The following SNAPC3 variants were observed in gnomAD, a reference collection of about 807,000 sequenced individuals.
The protein encoded by SNAPC3 is small nuclear RNA activating complex polypeptide 3, also known as snRNA-activating protein complex subunit 3.
A neutral mutation model predicts 47.7 loss-of-function variants in SNAPC3; 56 were observed. The ratio of observed to expected loss-of-function variants is 1.18; its 90% CI spans 0.95 to 1.47. The LOEUF (loss-of-function observed/expected upper bound fraction) is 1.47, where lower values mean the gene tolerates loss of function less well. Among genes scored for constraint, SNAPC3 ranks in the 40% most tolerant of loss-of-function variants. The pLI, the probability that SNAPC3 is intolerant of heterozygous loss-of-function variation, is 0.00. For synonymous variants in SNAPC3, 235 were observed against 189.9 expected, an observed-to-expected ratio of 1.24 and a Z score of -1.95; for missense variants, 665 against 511.3, an observed-to-expected ratio of 1.30 and a Z score of -2.90.
rs1251578860 is a variant in SNAPC3, at chr9:15,460,154, C to CA, written c.*289dup. On this transcript the variant is annotated 3_prime_UTR_variant, in exon 9 of 9. Coordinates refer to ENST00000380821, the MANE Select transcript of SNAPC3 (RefSeq NM_001039697.2). ...TTCTGACTTTAAATCCTTTGTCAGACACACATATTCTTTCTCCCAATCCAT... is the reference window on the plus strand; with the variant it reads ...TTCTGACTTTAAATCCTTTGTCAGACAACACATATTCTTTCTCCCAATCCAT... The CA allele has an allele frequency of 1.0e-4, 21 of 204,378 alleles. No individual in the cohort carries two copies. The East Asian group carries it at 2.4e-3, about 23-fold the overall frequency. The allele number at this position is 204,378 out of a possible 1,614,324, so 12.7% of individuals were successfully genotyped here.
chr9:15,450,521 T>G (rs2034308415), intron 5 of SNAPC3, among the ~76,000 whole-genome samples: 1 of 152,174 alleles, frequency 6.6e-6, no homozygotes, highest in African/African-American at 2.4e-5. Context: ...GTCTGAGAAG[T>G]GATTGCTACA....
At chr9:15,464,770 G>C (rs773348098), downstream of SNAPC3, 1 of 205,676 alleles carries the variant, frequency 4.9e-6, no homozygotes, top group Non-Finnish European at 9.9e-6. Flanking sequence ...TAACCCTAAA[G>C]CCAGATTCAT....
intron 3 of SNAPC3, among the ~76,000 whole-genome samples, chr9:15,438,680 A>C (rs1015684079): frequency 1.3e-5 from 2 of 151,870 alleles, no homozygotes; most frequent in African/African-American, 4.8e-5. Flanking sequence ...GAATTTTCCA[A>C]TTTTTCTCCT....
In SNAPC3 at chr9:15,444,656, G is replaced by C. The variant is rs1394547912; in HGVS notation, c.532G>C (p.Gly178Arg). 5 of 1,612,798 alleles carry C rather than the reference G, an allele frequency of 3.1e-6. No individual in the cohort carries two copies. The highest frequency in any genetic ancestry group is 3.4e-6 in the Non-Finnish European group (4 of 1,178,824). The change falls in exon 4 of 9, where the codon GGG becomes CGG. Residue 178 changes from glycine (G) to arginine (R), a missense_variant. Physicochemically the swap from Gly to Arg is moderately radical, Grantham distance 125. Coordinates refer to ENST00000380821, the MANE Select transcript of SNAPC3 (RefSeq NM_001039697.2). ...PENSADMIEE[G>R]ELILSVNILY... The stretch of plus-strand genomic sequence containing the variant: ...AAATTCAGCAGACATGATTGAAGAA[G>C]GGGAGCTTATCCTATCTGTGAATAT...
At chr9:15,432,223 G>A (rs1185570647) in intron 2 of SNAPC3, among the ~76,000 whole-genome samples, 1 of 152,070 alleles carries the variant, frequency 6.6e-6, no homozygotes, top group Admixed American at 6.6e-5. Context: ...TTTTAGTTTG[G>A]GATCAGAAGT....
Position 15,461,405 on chromosome 9 carries a change from A to G in SNAPC3, c.*1539A>G, listed in dbSNP as rs2035212516. On this transcript the variant is annotated 3_prime_UTR_variant, in exon 9 of 9. Coordinates refer to ENST00000380821, the MANE Select transcript of SNAPC3 (RefSeq NM_001039697.2). The stretch of plus-strand genomic sequence containing the variant: ...TCGAACTCCTGACCTCAAGTGATCC[A>G]TCCGCCTTGGCCTCCCAGAGTGCTG... 6.6e-6 allele frequency: 1 copy of G among 152,168 alleles called. No homozygotes were observed. The highest frequency in any genetic ancestry group is 1.5e-5 in the Non-Finnish European group (1 of 68,056). The allele number at this position is 152,168 out of a possible 1,614,324, so 9.4% of individuals were successfully genotyped here.
chr9:15,452,969 A>G (rs907434943), intron 6 of SNAPC3, 72 bp from the exon 7 acceptor site: 17 of 1,308,796 alleles, frequency 1.3e-5, no homozygotes, highest in African/African-American at 4.5e-5. Context: ...AATTACTGCA[A>G]TCACAAACTG....
At chr9:15,446,985 C>T in intron 4 of SNAPC3, 110 bp from the exon 5 acceptor site, 1 of 913,080 alleles carries the variant, frequency 1.1e-6, no homozygotes. Flanking sequence ...GTTATGGGGA[C>T]AATTTAAAAT....
chr9:15,424,848 C>T (rs1453937079), intron 2 of SNAPC3, among the ~76,000 whole-genome samples: 2 of 152,212 alleles, frequency 1.3e-5, no homozygotes, highest in African/African-American at 4.8e-5. Context: ...GCAGTCATTT[C>T]AACTCTACTT....
intron 3 of SNAPC3, among the ~76,000 whole-genome samples, chr9:15,441,113 T>G (rs558037911): frequency 2.0e-5 from 3 of 152,236 alleles, no homozygotes; most frequent in Non-Finnish European, 4.4e-5. Flanking sequence ...AACACATTTT[T>G]AAAGTTGATA....
At chr9:15,443,092 G>T (rs554907174) in intron 3 of SNAPC3, among the ~76,000 whole-genome samples, 1 of 152,226 alleles carries the variant, frequency 6.6e-6, no homozygotes, top group African/African-American at 2.4e-5. Context: ...AATCAGGCAG[G>T]GAGGTTGCAG....
intron 8 of SNAPC3, among the ~76,000 whole-genome samples, chr9:15,459,124 A>C (rs1032463927): frequency 3.3e-5 from 5 of 152,236 alleles, no homozygotes; most frequent in African/African-American, 1.2e-4. Context: ...TAATGTTAAA[A>C]GCAAACATTC....
At chr9:15,464,765 C>T (rs899991625), downstream of SNAPC3, 1 of 205,678 alleles carries the variant, frequency 4.9e-6, no homozygotes, top group African/African-American at 2.3e-5. Context: ...TGATTTAACC[C>T]TAAAGCCAGA....
chr9:15,458,522 T>C (rs903792086), intron 8 of SNAPC3, among the ~76,000 whole-genome samples: 1 of 152,174 alleles, frequency 6.6e-6, no homozygotes, highest in African/African-American at 2.4e-5. Flanking sequence ...GTCCACATAG[T>C]TTACATAATC....
At chr9:15,447,563 G>A (rs1263625138) in intron 5 of SNAPC3, among the ~76,000 whole-genome samples, 1 of 151,116 alleles carries the variant, frequency 6.6e-6, no homozygotes, top group Admixed American at 6.6e-5. Context: ...TCGCTCTGCC[G>A]CCCAGGCTGG....
chr9:15,455,351 G>A lies in SNAPC3; in HGVS notation c.980+2146G>A, dbSNP rs567347419. Among the ~76,000 whole-genome samples, 3 of 152,286 alleles carry A rather than the reference G, an allele frequency of 2.0e-5. No homozygotes were observed. In the South Asian group the frequency reaches 6.2e-4, roughly 32 times the overall value. ...GGAGGCCAAGGTGGCCAGATTACTT[G>A]CAGTCAGGAGTTCAAGACCGGCCTG... On this transcript the variant is annotated intron_variant, in intron 7 of 8. Coordinates refer to ENST00000380821, the MANE Select transcript of SNAPC3 (RefSeq NM_001039697.2).
chr9:15,455,076 T>C (rs979381829), intron 7 of SNAPC3, among the ~76,000 whole-genome samples: 4 of 152,228 alleles, frequency 2.6e-5, no homozygotes, highest in African/African-American at 9.6e-5. Context: ...GAATTAAATA[T>C]CTGTTTAACC....
chr9:15,441,317 G>A lies in SNAPC3; in HGVS notation c.478-3285G>A, dbSNP rs1033192000. ...ACTTTTAATTTTTTGAGAGACCTCCGTATTGTTTTCCGTAATAGCTGTATC... is the reference window on the plus strand; with the variant it reads ...ACTTTTAATTTTTTGAGAGACCTCCATATTGTTTTCCGTAATAGCTGTATC... On this transcript the variant is annotated intron_variant, in intron 3 of 8. Transcript: ENST00000380821. Among the ~76,000 whole-genome samples the A allele has an allele frequency of 3.5e-5, 5 of 141,114 alleles. No homozygotes were observed. In the East Asian group the frequency reaches 6.2e-4, roughly 18 times the overall value. 92.6% of individuals were successfully genotyped at this position (141,114 alleles called of 152,430 possible).
rs1342344716 is a variant in SNAPC3 at position 15,444,612 on chromosome 9, C to T, written c.488C>T (p.Ala163Val). 1.9e-6 allele frequency: 3 copies of T among 1,605,158 alleles called. No homozygotes were observed. Among genetic ancestry groups the T allele is most frequent in the Non-Finnish European group, 2.6e-6 (3 of 1,172,550 alleles). ...TTTTTCTTTCTTCAGGAGTCACATG[C>T]CATAGGAAAAAAGCCTGAAAATTCA... ...ETFVYEMESHAIGKKPENSAD... is the reference protein window; with the variant it reads ...ETFVYEMESHVIGKKPENSAD... Residue 163 changes from alanine to valine, a missense_variant, in exon 4 of 9, where the codon GCC (alanine) becomes GTC (valine). Ala to Val is a moderately conservative substitution (Grantham distance 64, BLOSUM62 0). Transcript: ENST00000380821.
Sources: allele counts gnomAD v4.1 joint callset (sites outside exome capture counted in the v4.1 genomes callset), GRCh38; gene constraint gnomAD v4.1.1; transcripts MANE v1.5; gene names NCBI Gene and HGNC (gene_info 2026-07-23, HGNC 2026-07-21).